CDH12: variants seen among roughly 807,000 people sequenced by gnomAD.
CDH12 encodes the protein cadherin-12.
A neutral mutation model predicts 74.1 loss-of-function variants in CDH12; 41 were observed. The observed-to-expected ratio is 0.55, with a 90% CI of 0.43 to 0.72. The LOEUF is 0.72. CDH12 is among the 30% of genes least tolerant of loss of function. CDH12 has a pLI of 0.00. For missense variants in CDH12, 945 were observed against 977.2 expected (o/e 0.97, Z 0.44); for synonymous variants, 399 against 355.0 (o/e 1.12, Z -1.39).
intron 3 of CDH12, among the ~76,000 whole-genome samples, chr5:22,366,004 G>A (rs1016593839): frequency 8.5e-5 from 13 of 152,150 alleles, no homozygotes; most frequent in African/African-American, 3.1e-4. Flanking sequence ...TGTCACCTAG[G>A]CTGGAGTACA....
At chr5:22,829,847 T>C (rs550588776) in intron 1 of CDH12, among the ~76,000 whole-genome samples, 3 of 152,128 alleles carry the variant, frequency 2.0e-5, no homozygotes, top group Non-Finnish European at 2.9e-5. Flanking sequence ...CACCTGAGCA[T>C]GAGAATAAAA....
chr5:22,002,507 A>T (rs537289534), intron 5 of CDH12, among the ~76,000 whole-genome samples: 1 of 152,298 alleles, frequency 6.6e-6, no homozygotes, highest in East Asian at 1.9e-4. Flanking sequence ...CATTGGATTT[A>T]TTCTCCATAT....
chr5:22,571,456 A>T (rs925019531), intron 1 of CDH12, among the ~76,000 whole-genome samples: 1 of 152,072 alleles, frequency 6.6e-6, no homozygotes, highest in African/African-American at 2.4e-5. Context: ...CATCCTGAAT[A>T]GCTGGGATTA....
chr5:21,964,609 A>G (rs934033548), intron 6 of CDH12, among the ~76,000 whole-genome samples: 2 of 152,004 alleles, frequency 1.3e-5, no homozygotes, highest in African/African-American at 4.8e-5. Context: ...ATTTTACTCT[A>G]ATAAGTTTCC....
At chr5:22,447,506 A>G (rs1744860841) in intron 2 of CDH12, among the ~76,000 whole-genome samples, 1 of 152,098 alleles carries the variant, frequency 6.6e-6, no homozygotes. Flanking sequence ...ATCAGTGGAG[A>G]CAGTAACACA....
At chr5:22,566,535 G>A (rs11957088) in intron 1 of CDH12, among the ~76,000 whole-genome samples, 1 of 152,158 alleles carries the variant, frequency 6.6e-6, no homozygotes, top group East Asian at 1.9e-4. Flanking sequence ...ACCGCGCCCA[G>A]CTACTATGTG....
intron 2 of CDH12, among the ~76,000 whole-genome samples, chr5:22,449,429 T>C (rs1007013231): frequency 2.6e-5 from 4 of 152,082 alleles, no homozygotes; most frequent in Admixed American, 6.6e-5. Context: ...GTTTCAGATA[T>C]GTTGAGCTGA....
intron 3 of CDH12, among the ~76,000 whole-genome samples, chr5:22,273,824 C>T (rs547999029): frequency 1.8e-4 from 27 of 152,238 alleles, no homozygotes; most frequent in Non-Finnish European, 2.6e-4. Flanking sequence ...ATGCATCTTT[C>T]TTCCACTCAA....
intron 1 of CDH12, among the ~76,000 whole-genome samples, chr5:22,663,413 G>A (rs931972632): frequency 1.1e-4 from 17 of 152,044 alleles, no homozygotes; most frequent in Admixed American, 6.6e-4. Context: ...ATGGAAAACC[G>A]TTTATAGCCT....
chr5:22,210,429 C>T (rs1751461004), intron 4 of CDH12, among the ~76,000 whole-genome samples: 1 of 148,158 alleles, frequency 6.7e-6, no homozygotes, highest in Admixed American at 6.9e-5. Flanking sequence ...CAGTATATTG[C>T]AAATTCAGAC....
At chr5:22,213,957 GAGAA>G (rs1450104336) in intron 3 of CDH12, among the ~76,000 whole-genome samples, 11 of 151,878 alleles carry the variant, frequency 7.2e-5, no homozygotes, top group African/African-American at 1.2e-4. Context: ...GTGTGTGTGT[GAGAA>G]AGAGAGAGAG....
chr5:22,783,381 C>T (rs992288526), intron 1 of CDH12, among the ~76,000 whole-genome samples: 1 of 152,098 alleles, frequency 6.6e-6, no homozygotes, highest in African/African-American at 2.4e-5. Context: ...TCGACCTTTG[C>T]TTAGTTTCAC....
rs1356963749 is a variant in CDH12, at chr5:22,833,625, G to A, written c.-523+19433C>T. On this transcript the variant is annotated intron_variant, in intron 1 of 14. Coordinates refer to ENST00000382254, the MANE Select transcript of CDH12 (RefSeq NM_004061.5). ...AGAAAACACAGGAAAACTAGGTCAT[G>A]GTTTCTTTTCTTTGTTTATTCAGTG... Among the ~76,000 whole-genome samples the A allele has an allele frequency of 7.2e-5, 11 of 152,178 alleles. No individual in the cohort carries two copies. The East Asian group carries it at 1.2e-3, about 16-fold the overall frequency.
chr5:22,816,282 C>T (rs1017058436), intron 1 of CDH12, among the ~76,000 whole-genome samples: 1 of 152,138 alleles, frequency 6.6e-6, no homozygotes, highest in African/African-American at 2.4e-5. Flanking sequence ...AGAATTGAGG[C>T]ACCGGAAGTT....
chr5:21,804,646 ACACACAC>A (rs754505831), intron 9 of CDH12, among the ~76,000 whole-genome samples: 9,382 of 91,356 alleles, frequency 0.1, 504 homozygotes, highest in East Asian at 0.26. Context: ...GAATTAAAAC[ACACACAC>A]ACACACACAC....
chr5:22,239,498 T>C (rs1162883866), intron 3 of CDH12, among the ~76,000 whole-genome samples: 1 of 152,106 alleles, frequency 6.6e-6, no homozygotes, highest in Non-Finnish European at 1.5e-5. Flanking sequence ...ATTTAAATGT[T>C]AAAATACATG....
At chr5:22,551,256 A>C (rs910942752) in intron 1 of CDH12, among the ~76,000 whole-genome samples, 4 of 152,152 alleles carry the variant, frequency 2.6e-5, no homozygotes, top group African/African-American at 9.7e-5. Flanking sequence ...GCCATGTGTA[A>C]ACCAGGTAGA....
chr5:22,464,683 C>T (rs1378448249), intron 2 of CDH12, among the ~76,000 whole-genome samples: 1 of 152,134 alleles, frequency 6.6e-6, no homozygotes, highest in African/African-American at 2.4e-5. Context: ...AACCACTTTC[C>T]TTCCAAAATT....
intron 5 of CDH12, among the ~76,000 whole-genome samples, chr5:22,053,552 A>G (rs897866092): frequency 6.6e-6 from 1 of 152,010 alleles, no homozygotes; most frequent in African/African-American, 2.4e-5. Flanking sequence ...GGGAGACTCA[A>G]TTTTGGACTC....
Sources: allele counts gnomAD v4.1 joint callset (sites outside exome capture counted in the v4.1 genomes callset), GRCh38; gene constraint gnomAD v4.1.1; transcripts MANE v1.5; gene names NCBI Gene and HGNC (gene_info 2026-07-23, HGNC 2026-07-21).